Variants in MTUS2 observed in about 807,000 individuals in gnomAD.
MTUS2 encodes microtubule associated scaffold protein 2.
In MTUS2, 40 loss-of-function variants were observed where a neutral mutation model predicts 114.1. That is an observed-to-expected ratio of 0.35 (90% CI 0.27 to 0.46). MTUS2 has a LOEUF of 0.46. Among genes scored for constraint, MTUS2 ranks in the 20% least tolerant of loss-of-function variants. MTUS2 has a pLI of 1.00. For synonymous variants in MTUS2, 688 were observed against 672.0 expected (o/e 1.02, Z -0.37); for missense variants, 1,679 against 1,705.4 (o/e 0.98, Z 0.27).
chr13:29,304,238 G>A (rs1300308138), intron 6 of MTUS2, among the ~76,000 whole-genome samples: 1 of 152,082 alleles, frequency 6.6e-6, no homozygotes, highest in African/African-American at 2.4e-5. Flanking sequence ...AAAAAAGTTT[G>A]AAAAATAACC....
chr13:29,298,924 C>T (rs962955681), intron 6 of MTUS2, among the ~76,000 whole-genome samples: 1 of 152,188 alleles, frequency 6.6e-6, no homozygotes, highest in Non-Finnish European at 1.5e-5. Flanking sequence ...GATGCCCTTA[C>T]TGCCCTATGC....
chr13:29,101,086 C>T, intron 5 of MTUS2, 116 bp downstream of exon 5: 3 of 1,129,912 alleles, frequency 2.7e-6, no homozygotes, highest in Non-Finnish European at 3.6e-6. Flanking sequence ...CCTCCCTTAG[C>T]TTCCCATTGT....
chr13:29,062,613 A>G (rs1266422265), intron 4 of MTUS2, among the ~76,000 whole-genome samples: 1 of 151,562 alleles, frequency 6.6e-6, no homozygotes, highest in Non-Finnish European at 1.5e-5. Context: ...TTTTTTTTTC[A>G]GTTCTCAGAT....
chr13:29,494,954 G>A (rs1366745939), intron 12 of MTUS2, among the ~76,000 whole-genome samples: 1 of 151,992 alleles, frequency 6.6e-6, no homozygotes, highest in Non-Finnish European at 1.5e-5. Flanking sequence ...GGGAGGCTGA[G>A]GCGGGCAGAT....
chr13:28,929,946 G>A (rs1307708030), intron 2 of MTUS2, among the ~76,000 whole-genome samples: 1 of 152,168 alleles, frequency 6.6e-6, no homozygotes, highest in African/African-American at 2.4e-5. Context: ...GTTGGATAGA[G>A]GAGGTGGGGC....
chr13:29,240,958 A>G (rs71434711), intron 5 of MTUS2, among the ~76,000 whole-genome samples: 9,155 of 152,260 alleles, frequency 0.06, 295 homozygotes, highest in Middle Eastern at 0.078. Context: ...ATGAGAAAAG[A>G]TGCCTCATTT....
At chr13:28,866,261 G>A (rs973343901) in intron 2 of MTUS2, among the ~76,000 whole-genome samples, 1 of 152,168 alleles carries the variant, frequency 6.6e-6, no homozygotes, top group African/African-American at 2.4e-5. Context: ...GACCCTGTGA[G>A]CTTAAATGTC....
At chr13:29,012,741 G>A (rs1438216084) in intron 2 of MTUS2, among the ~76,000 whole-genome samples, 1 of 152,102 alleles carries the variant, frequency 6.6e-6, no homozygotes, top group Non-Finnish European at 1.5e-5. Context: ...GGGCATGGTG[G>A]TGGGCGCCTG....
At chr13:29,462,722 A>AAGGC (rs1879594730) in intron 9 of MTUS2, among the ~76,000 whole-genome samples, 1 of 152,144 alleles carries the variant, frequency 6.6e-6, no homozygotes, top group Admixed American at 6.5e-5. Flanking sequence ...CATAGGAAGG[A>AAGGC]AGGCTGTGCT....
intron 8 of MTUS2, among the ~76,000 whole-genome samples, chr13:29,370,694 C>G (rs917649687): frequency 1.3e-5 from 2 of 152,162 alleles, no homozygotes; most frequent in Non-Finnish European, 2.9e-5. Context: ...AAATAAACTT[C>G]CTTCCTTTAT....
At chr13:29,229,107 C>T (rs550716171) in intron 5 of MTUS2, among the ~76,000 whole-genome samples, 30 of 152,232 alleles carry the variant, frequency 2.0e-4, no homozygotes, top group African/African-American at 7.0e-4. Context: ...TAAAGGCCCC[C>T]GAGACTTTGA....
At chr13:28,832,774 T>A (rs111942743) in intron 1 of MTUS2, among the ~76,000 whole-genome samples, 161 of 150,020 alleles carry the variant, frequency 1.1e-3, no homozygotes, top group African/African-American at 3.3e-3. Context: ...AGAAAAACAA[T>A]AAAATCAATA....
chr13:29,187,734 A>G (rs112694500), intron 5 of MTUS2, among the ~76,000 whole-genome samples: 9 of 152,282 alleles, frequency 5.9e-5, no homozygotes, highest in African/African-American at 2.2e-4. Context: ...ACTCCCCAGG[A>G]TGATTTCAGC....
intron 2 of MTUS2, among the ~76,000 whole-genome samples, chr13:28,894,558 T>C (rs1879153144): frequency 6.6e-6 from 1 of 152,208 alleles, no homozygotes. Flanking sequence ...CCGTGGTGTT[T>C]TGCTGTGGCA....
intron 6 of MTUS2, among the ~76,000 whole-genome samples, chr13:29,282,237 A>G (rs1898304440): frequency 6.6e-6 from 1 of 152,244 alleles, no homozygotes; most frequent in Non-Finnish European, 1.5e-5. Flanking sequence ...CCAGAACCCC[A>G]GAGAGAAGTG....
intron 2 of MTUS2, among the ~76,000 whole-genome samples, chr13:28,906,326 A>C (rs1249698729): frequency 6.6e-6 from 1 of 150,564 alleles, no homozygotes; most frequent in Non-Finnish European, 1.5e-5. Context: ...TTGCTTTTCT[A>C]GTTCTTTTAA....
intron 8 of MTUS2, among the ~76,000 whole-genome samples, chr13:29,408,398 C>T (rs183208429): frequency 2.3e-3 from 347 of 152,326 alleles, no homozygotes; most frequent in African/African-American, 8.0e-3. Context: ...TCACTGCGGC[C>T]TCCATCTCCT....
intron 5 of MTUS2, among the ~76,000 whole-genome samples, chr13:29,123,291 TTAAA>T (rs1202934034): frequency 2.0e-5 from 3 of 152,230 alleles, no homozygotes; most frequent in Admixed American, 6.5e-5. Context: ...CATAGGTAGT[TTAAA>T]TACTCTGTGA....
In MTUS2 at chr13:29,042,111, AT is replaced by A. The variant is rs552373568; in HGVS notation, c.2446+7987del. 3.3e-5 allele frequency among the ~76,000 whole-genome samples: 5 copies of A among 152,228 alleles called. 1 individual carries two copies. In the South Asian group the frequency reaches 1.0e-3, roughly 32 times the overall value. Reference sequence around the variant, plus strand: ...AATGTTGGCTGTGGCGTTGTCATAGATGGCTTTTATTACCTTAAAGTATGTC... The same window carrying A: ...AATGTTGGCTGTGGCGTTGTCATAGAGGCTTTTATTACCTTAAAGTATGTC... On this transcript the variant is annotated intron_variant, in intron 4 of 15. Coordinates refer to ENST00000612955, the MANE Select transcript of MTUS2 (RefSeq NM_001033602.4).
Sources: gnomAD v4.1 joint callset for allele counts (sites outside exome capture counted in the v4.1 genomes callset) on GRCh38, gnomAD v4.1.1 for gene constraint, MANE v1.5 for transcripts, NCBI Gene and HGNC (gene_info 2026-07-23, HGNC 2026-07-21) for gene names.